The following LSAMP variants were observed in gnomAD, a reference collection of about 807,000 sequenced individuals.
The protein encoded by LSAMP is limbic system associated membrane protein, also known as limbic system-associated membrane protein.
In LSAMP, 7 loss-of-function variants were observed where a neutral mutation model predicts 38.6. The observed-to-expected ratio is 0.18, with a 90% CI of 0.10 to 0.34. LSAMP has a LOEUF of 0.34. LSAMP is among the 10% of genes least tolerant of loss of function. The probability of loss-of-function intolerance (pLI) is 1.00; values close to 1 mark genes in which losing one functional copy is unlikely to be tolerated. For synonymous variants in LSAMP, 154 were observed against 166.8 expected, an observed-to-expected ratio of 0.92 and a Z score of 0.59; for missense variants, 313 against 420.0, an observed-to-expected ratio of 0.75 and a Z score of 2.23.
chr3:115,976,227 T>C (rs1181687039), intron 3 of LSAMP, among the ~76,000 whole-genome samples: 2 of 152,200 alleles, frequency 1.3e-5, no homozygotes, highest in Non-Finnish European at 2.9e-5. Context: ...TGCAAACTTA[T>C]ACTTTCACTA....
At chr3:116,376,737 AC>A (rs1478096164) in intron 1 of LSAMP, among the ~76,000 whole-genome samples, 1 of 152,070 alleles carries the variant, frequency 6.6e-6, no homozygotes, top group Non-Finnish European at 1.5e-5. Context: ...TTTCAAAGAC[AC>A]CCCAGTGGGG....
chr3:116,084,336 A>C (rs1409259047), intron 2 of LSAMP, among the ~76,000 whole-genome samples: 1 of 151,920 alleles, frequency 6.6e-6, no homozygotes, highest in Non-Finnish European at 1.5e-5. Context: ...TTTGTAGCTT[A>C]AGAGTACAAA....
intron 1 of LSAMP, among the ~76,000 whole-genome samples, chr3:116,202,817 A>C (rs73858560): frequency 0.012 from 1,869 of 152,270 alleles, 42 homozygotes; most frequent in African/African-American, 0.043. Flanking sequence ...AAACTCCCCT[A>C]GGATGCTACC....
At position 115,816,717 on chromosome 3, in the gene LSAMP, G is replaced by A. The variant is rs78551153; in HGVS notation, c.920-6303C>T. The A allele has an allele frequency of 5.0e-3, 4,468 of 884,904 alleles. 117 individuals are homozygous for A. In the African/African-American group the frequency reaches 0.061, roughly 12 times the overall value. The allele number at this position is 884,904 out of a possible 1,614,324, so 54.8% of individuals were successfully genotyped here. Reference sequence around the variant, plus strand: ...TTATCAATTAAGAAGAAACACAAAGGTAATCTGATATTCTCCACTGAAAGG... The same window carrying A: ...TTATCAATTAAGAAGAAACACAAAGATAATCTGATATTCTCCACTGAAAGG... On this transcript the variant is annotated intron_variant, in intron 6 of 6. Transcript: ENST00000490035.
Position 116,380,235 on chromosome 3 carries a change from T to G in LSAMP, c.155+64642A>C, listed in dbSNP as rs1576177256. 2.0e-5 allele frequency among the ~76,000 whole-genome samples: 3 copies of G among 152,140 alleles called. No individual in the cohort carries two copies. The South Asian group carries it at 6.2e-4, about 32-fold the overall frequency. On this transcript the variant is annotated intron_variant, in intron 1 of 6. Coordinates refer to ENST00000490035, the MANE Select transcript of LSAMP (RefSeq NM_002338.5). ...CCATAGAAAGGGCTGAACATAGTATTTGGAGCGTATAGAGATACTGTGAGC... is the reference window on the plus strand; with the variant it reads ...CCATAGAAAGGGCTGAACATAGTATGTGGAGCGTATAGAGATACTGTGAGC...
chr3:116,392,915 C>G (rs1038573157), intron 1 of LSAMP, among the ~76,000 whole-genome samples: 1 of 152,138 alleles, frequency 6.6e-6, no homozygotes, highest in Non-Finnish European at 1.5e-5. Flanking sequence ...AATGATGGGA[C>G]AAGTTGCTGC....
At chr3:115,985,979 C>A (rs1369715431) in intron 3 of LSAMP, among the ~76,000 whole-genome samples, 1 of 151,984 alleles carries the variant, frequency 6.6e-6, no homozygotes, top group African/African-American at 2.4e-5. Flanking sequence ...ATTTGTTACC[C>A]AACAATATAT....
At chr3:116,175,516 C>T (rs1459914911) in intron 1 of LSAMP, among the ~76,000 whole-genome samples, 1 of 151,806 alleles carries the variant, frequency 6.6e-6, no homozygotes, top group Non-Finnish European at 1.5e-5. Context: ...TTTGATTTAA[C>T]CTAAACATCC....
chr3:116,278,672 CT>C lies in LSAMP; in HGVS notation c.155+166204del, dbSNP rs1186700842. Among the ~76,000 whole-genome samples, 4 of 152,192 alleles carry C rather than the reference CT, an allele frequency of 2.6e-5. No homozygotes were observed. The East Asian group carries it at 7.7e-4, about 29-fold the overall frequency. On this transcript the variant is annotated intron_variant, in intron 1 of 6. Transcript: ENST00000490035. The stretch of plus-strand genomic sequence containing the variant: ...AACCCCTTTTGTGTCATGAAAATAT[CT>C]AGTAAAGTTAGCTCTTTTGATGATA...
intron 1 of LSAMP, among the ~76,000 whole-genome samples, chr3:116,290,841 G>A (rs1326122699): frequency 6.6e-6 from 1 of 151,514 alleles, no homozygotes; most frequent in African/African-American, 2.4e-5. Context: ...CAGCCCTATT[G>A]TCTGCTATTA....
chr3:116,083,813 G>C (rs1267624246), intron 2 of LSAMP, among the ~76,000 whole-genome samples: 1 of 152,126 alleles, frequency 6.6e-6, no homozygotes, highest in Non-Finnish European at 1.5e-5. Flanking sequence ...AAATAAATGG[G>C]AACAGTGTGA....
At chr3:115,996,783 C>A (rs1438040615) in intron 3 of LSAMP, among the ~76,000 whole-genome samples, 10 of 152,114 alleles carry the variant, frequency 6.6e-5, no homozygotes, top group African/African-American at 2.2e-4. Context: ...CTCCCCTCCT[C>A]TCAGGCTCCC....
At chr3:116,184,050 A>T (rs746707776) in intron 1 of LSAMP, among the ~76,000 whole-genome samples, 6 of 151,812 alleles carry the variant, frequency 4.0e-5, no homozygotes, top group Non-Finnish European at 8.9e-5. Context: ...TTTAGTACAG[A>T]TACGAAAGTT....
At chr3:115,869,166 C>T (rs1440052886) in intron 3 of LSAMP, among the ~76,000 whole-genome samples, 2 of 152,004 alleles carry the variant, frequency 1.3e-5, no homozygotes, top group African/African-American at 2.4e-5. Flanking sequence ...CATAGACCAA[C>T]TGACAATTGT....
intron 1 of LSAMP, among the ~76,000 whole-genome samples, chr3:116,259,908 A>G (rs943232743): frequency 6.6e-6 from 1 of 151,742 alleles, no homozygotes; most frequent in Non-Finnish European, 1.5e-5. Context: ...CTTTCTCCTC[A>G]TTTTTCTCAT....
chr3:116,305,294 A>T (rs529883412), intron 1 of LSAMP, among the ~76,000 whole-genome samples: 1 of 152,258 alleles, frequency 6.6e-6, no homozygotes, highest in African/African-American at 2.4e-5. Flanking sequence ...AATAGAAATG[A>T]GCAAGAGGAC....
intron 1 of LSAMP, among the ~76,000 whole-genome samples, chr3:116,289,987 T>C (rs139575655): frequency 0.011 from 1,705 of 152,334 alleles, 26 homozygotes; most frequent in African/African-American, 0.036. Context: ...CTATTTTCTC[T>C]TTTCATTAGT....
At chr3:115,967,292 A>G (rs182419587) in intron 3 of LSAMP, among the ~76,000 whole-genome samples, 72 of 152,312 alleles carry the variant, frequency 4.7e-4, no homozygotes, top group African/African-American at 1.6e-3. Flanking sequence ...TTTCTTTGCT[A>G]AAACATAACA....
intron 3 of LSAMP, among the ~76,000 whole-genome samples, chr3:115,933,109 G>A (rs1937607849): frequency 6.6e-6 from 1 of 152,236 alleles, no homozygotes; most frequent in African/African-American, 2.4e-5. Flanking sequence ...GCGAAAGGGA[G>A]TGGTTTCACT....
Sources: gnomAD v4.1 joint callset for allele counts (sites outside exome capture counted in the v4.1 genomes callset) on GRCh38, gnomAD v4.1.1 for gene constraint, MANE v1.5 for transcripts, NCBI Gene and HGNC (gene_info 2026-07-23, HGNC 2026-07-21) for gene names.